The following RPS6KA6 variants were observed in gnomAD, a reference collection of about 807,000 sequenced individuals.
RPS6KA6 encodes ribosomal protein S6 kinase A6.
In RPS6KA6, 27 loss-of-function variants were observed where a neutral mutation model predicts 65.4. That is an observed-to-expected ratio of 0.41 (90% CI 0.30 to 0.57). The LOEUF (loss-of-function observed/expected upper bound fraction) is 0.57, where lower values mean the gene tolerates loss of function less well. Ranked by LOEUF, RPS6KA6 falls within the 20% of genes least tolerant of loss-of-function variation. The pLI, the probability that RPS6KA6 is intolerant of heterozygous loss-of-function variation, is 0.24. For synonymous variants in RPS6KA6, 190 were observed against 184.2 expected (o/e 1.03, Z -0.26); for missense variants, 486 against 555.6 (o/e 0.87, Z 1.26).
At chrX:84,143,563 C>T (rs1460642785) in intron 6 of RPS6KA6, among the ~76,000 whole-genome samples, 2 of 111,309 alleles carry the variant, frequency 1.8e-5, no homozygotes, top group Non-Finnish European at 3.8e-5. Flanking sequence ...GAGAAAGATA[C>T]CACGTTCATC....
chrX:84,172,010 A>G (rs1488692094), intron 1 of RPS6KA6, among the ~76,000 whole-genome samples: 1 of 111,420 alleles, frequency 9.0e-6, no homozygotes, highest in Non-Finnish European at 1.9e-5. Context: ...AAGGACATGA[A>G]CTCATTCTTT....
chrX:84,091,597 C>G (rs1212139626), intron 20 of RPS6KA6, among the ~76,000 whole-genome samples: 4 of 111,905 alleles, frequency 3.6e-5, no homozygotes, highest in African/African-American at 1.3e-4. Flanking sequence ...TTGATGGGAA[C>G]ATAAATTAGT....
intron 1 of RPS6KA6, among the ~76,000 whole-genome samples, chrX:84,176,107 A>G (rs1411404585): frequency 8.9e-6 from 1 of 111,950 alleles, no homozygotes; most frequent in Non-Finnish European, 1.9e-5. Context: ...GTATTTCCAG[A>G]ACATTTGAGT....
chrX:84,121,551 A>G (rs764418495), intron 8 of RPS6KA6, among the ~76,000 whole-genome samples: 12 of 112,108 alleles, frequency 1.1e-4, no homozygotes, highest in Non-Finnish European at 2.1e-4. Context: ...TGTGGTTTAT[A>G]TACTATGGAT....
intron 2 of RPS6KA6, among the ~76,000 whole-genome samples, chrX:84,160,606 T>A (rs1485065273): frequency 9.0e-6 from 1 of 111,525 alleles, no homozygotes; most frequent in East Asian, 2.8e-4. Context: ...TAATAAAACA[T>A]TCATCTATTC....
chrX:84,071,543 T>A (rs991567672), intron 20 of RPS6KA6, among the ~76,000 whole-genome samples: 45 of 110,969 alleles, frequency 4.1e-4, no homozygotes, highest in African/African-American at 1.4e-3. Flanking sequence ...AGTTCAAGCA[T>A]ACTTATAGGA....
In RPS6KA6 at chrX:84,063,165, A is replaced by G. The variant is rs1009760372; in HGVS notation, c.*1112T>C. On this transcript the variant is annotated 3_prime_UTR_variant, in exon 22 of 22. Transcript: ENST00000262752. ...TAGACCATTAATATTATTCATATTT[A>G]AAATGTTAGTTTATCTTCATGAAGT... 3 of 111,662 alleles carry G rather than the reference A, an allele frequency of 2.7e-5. No individual in the cohort carries two copies. 9.2% of individuals were successfully genotyped at this position (111,662 alleles called of 1,213,427 possible).
At chrX:84,164,525 C>T (rs961517368) in intron 1 of RPS6KA6, 138 bp from the exon 2 acceptor site, 13 of 447,951 alleles carry the variant, frequency 2.9e-5, no homozygotes, top group Non-Finnish European at 5.0e-5. Context: ...ACAAAGGACA[C>T]ATAGAAGTAC....
rs754167652 is a variant in RPS6KA6, at chrX:84,151,308, G to A, written c.259-3185C>T. On this transcript the variant is annotated intron_variant, in intron 3 of 21. Transcript: ENST00000262752. ...ATACACACATACATATCTGTGAAGC[G>A]CAATGAAGTGAAGGATATCTGTGAA... Among the ~76,000 whole-genome samples the A allele has an allele frequency of 8.5e-5, 9 of 105,608 alleles. No homozygotes were observed. The East Asian group carries it at 8.8e-4, about 10-fold the overall frequency. 91.7% of individuals were successfully genotyped at this position (105,608 alleles called of 115,157 possible).
intron 8 of RPS6KA6, 27 bp from the exon 9 acceptor site, chrX:84,120,054 G>A: frequency 9.2e-7 from 1 of 1,081,418 alleles, no homozygotes; most frequent in Non-Finnish European, 1.2e-6. Context: ...ACCAAAAAAT[G>A]TGTCTGAAAA....
rs1239192210 is a variant in RPS6KA6, at chrX:84,102,126, T to A, written c.1687A>T (p.Ile563Leu). 1 of 1,194,300 alleles carries A rather than the reference T, an allele frequency of 8.4e-7. No individual in the cohort carries two copies. Among genetic ancestry groups the A allele is most frequent in the South Asian group, 1.8e-5 (1 of 54,968 alleles). Residue 563 changes from isoleucine (I) to leucine (L), a missense_variant, in exon 18 of 22, where the codon ATA (isoleucine) becomes TTA (leucine). Ile to Leu is a conservative substitution (Grantham distance 5). Coordinates refer to ENST00000262752, the MANE Select transcript of RPS6KA6 (RefSeq NM_014496.5). ...TGTTTTGCAAACCCAAAATCACATATCCTGATTGAATCTGCACTGGCTGAT... is the reference window on the plus strand; with the variant it reads ...TGTTTTGCAAACCCAAAATCACATAACCTGATTGAATCTGCACTGGCTGAT... ...DESASADSIR[I>L]CDFGFAKQLR...
chrX:84,176,177 T>C (rs868393156), intron 1 of RPS6KA6, among the ~76,000 whole-genome samples: 4 of 112,093 alleles, frequency 3.6e-5, no homozygotes, highest in Non-Finnish European at 7.5e-5. Flanking sequence ...CAGGCAGGAA[T>C]TTGTTTACTC....
At position 84,104,677 on chromosome X, in the gene RPS6KA6, T is replaced by G; in HGVS notation, c.1456-20A>C. 3 of 983,040 alleles carry G rather than the reference T, an allele frequency of 3.1e-6. No homozygotes were observed. The highest frequency in any genetic ancestry group is 4.1e-6 in the Non-Finnish European group (3 of 736,309). The allele number at this position is 983,040 out of a possible 1,213,427, so 81.0% of individuals were successfully genotyped here. The stretch of plus-strand genomic sequence containing the variant: ...AAAGACCTACAAAAGAACGCAGTTT[T>G]AAAATGTTATTATTTATAATTACAA... On this transcript the variant is annotated intron_variant, in intron 16 of 21. Transcript: ENST00000262752.
At chrX:84,171,350 A>T (rs191235383) in intron 1 of RPS6KA6, among the ~76,000 whole-genome samples, 72 of 111,620 alleles carry the variant, frequency 6.5e-4, no homozygotes, top group African/African-American at 2.3e-3. Context: ...AATTTTTTGC[A>T]GCACTAGGTA....
At chrX:84,148,216 G>T in intron 3 of RPS6KA6, 93 bp from the exon 4 acceptor site, 1 of 476,553 alleles carries the variant, frequency 2.1e-6, no homozygotes, top group East Asian at 3.8e-5. Flanking sequence ...TTATATCCTT[G>T]CATTTTCTCT....
intron 16 of RPS6KA6, among the ~76,000 whole-genome samples, 162 bp from the exon 17 acceptor site, chrX:84,104,819 A>G (rs1202353012): frequency 9.0e-6 from 1 of 110,915 alleles, no homozygotes; most frequent in Non-Finnish European, 1.9e-5. Flanking sequence ...AGGCTGTACT[A>G]AAGGTTGAAT....
In RPS6KA6 at chrX:84,062,703, A is replaced by G. The variant is rs2033320428; in HGVS notation, c.*1574T>C. The G allele has an allele frequency of 8.9e-6, 1 of 111,776 alleles. No individual in the cohort carries two copies. The highest frequency in any genetic ancestry group is 1.9e-5 in the Non-Finnish European group (1 of 53,039). 9.2% of individuals were successfully genotyped at this position (111,776 alleles called of 1,213,427 possible). On this transcript the variant is annotated 3_prime_UTR_variant, in exon 22 of 22. Transcript: ENST00000262752. ...GGGGTATAGATTATTTACATTACAAACAGAATATGTATAGTTTCTTTTATT... is the reference window on the plus strand; with the variant it reads ...GGGGTATAGATTATTTACATTACAAGCAGAATATGTATAGTTTCTTTTATT...
intron 20 of RPS6KA6, among the ~76,000 whole-genome samples, chrX:84,075,881 T>C (rs2033654876): frequency 8.9e-6 from 1 of 112,187 alleles, no homozygotes; most frequent in Non-Finnish European, 1.9e-5. Context: ...TATAAATGTT[T>C]ATTCATGTAA....
rs776478885 is a variant in RPS6KA6, at chrX:84,085,457, TTCTG to T, written c.1971+10733_1971+10736del. Among the ~76,000 whole-genome samples the T allele has an allele frequency of 3.4e-4, 38 of 112,319 alleles. No homozygotes were observed. In the East Asian group the frequency reaches 6.2e-3, roughly 18 times the overall value. On this transcript the variant is annotated intron_variant, in intron 20 of 21. Coordinates refer to ENST00000262752, the MANE Select transcript of RPS6KA6 (RefSeq NM_014496.5). ...AGATAATTGTGGTTTTTGTCTTTAG[TTCTG>T]TCTATGTGATGAATCACATTTATTG...
Sources: allele counts gnomAD v4.1 joint callset (sites outside exome capture counted in the v4.1 genomes callset), GRCh38; gene constraint gnomAD v4.1.1; transcripts MANE v1.5; gene names NCBI Gene and HGNC (gene_info 2026-07-23, HGNC 2026-07-21).